Variants in COTL1 observed in about 807,000 individuals in gnomAD.
COTL1 encodes the protein coactosin-like protein.
In COTL1, 15 loss-of-function variants were observed where a neutral mutation model predicts 16.5. The observed-to-expected ratio is 0.91, with a 90% CI of 0.61 to 1.40. The LOEUF (loss-of-function observed/expected upper bound fraction) is 1.40. Ranked by LOEUF, COTL1 falls within the 40% of genes most tolerant of loss-of-function variation. The pLI, the probability that COTL1 is intolerant of heterozygous loss-of-function variation, is 0.00. For missense variants in COTL1, 220 were observed against 201.5 expected (o/e 1.09, Z -0.56); for synonymous variants, 112 against 85.3 (o/e 1.31, Z -1.73).
chr16:84,616,967 G>A (rs981087440), intron 2 of COTL1, among the ~76,000 whole-genome samples: 2 of 152,162 alleles, frequency 1.3e-5, no homozygotes, highest in Non-Finnish European at 2.9e-5. Context: ...GATTAGTTTC[G>A]CCTTGTCTAG....
At chr16:84,587,786 A>AT (rs1555523039) in intron 3 of COTL1, among the ~76,000 whole-genome samples, 1 of 151,728 alleles carries the variant, frequency 6.6e-6, no homozygotes, top group African/African-American at 2.4e-5. Context: ...TTATTTATTT[A>AT]TTTATTTATT....
At chr16:84,585,248 G>C (rs544657090) in intron 3 of COTL1, among the ~76,000 whole-genome samples, 70 of 151,640 alleles carry the variant, frequency 4.6e-4, no homozygotes, top group African/African-American at 1.5e-3. Flanking sequence ...CCAGCTTCTC[G>C]AGAGGCTGAA....
At position 84,590,297 on chromosome 16, in the gene COTL1, C is replaced by T. The variant is rs758848827; in HGVS notation, c.161-35G>A. On this transcript the variant is annotated intron_variant, in intron 2 of 3. Transcript: ENST00000262428. The surrounding 1 kb of genome is among the most constrained non-coding windows in gnomAD (Gnocchi z 5.5). Reference sequence around the variant, plus strand: ...AAAGCGAAAAGAGAACATGGTGCTGCGTTAAAACACCCCCATGTCATGTCC... The same window carrying T: ...AAAGCGAAAAGAGAACATGGTGCTGTGTTAAAACACCCCCATGTCATGTCC... 1.6e-5 allele frequency: 25 copies of T among 1,603,530 alleles called. No individual in the cohort carries two copies. Among genetic ancestry groups the T allele is most frequent in the South Asian group, 5.5e-5 (5 of 90,192 alleles).
intron 2 of COTL1, chr16:84,594,381 C>T (rs1035965777): frequency 1.3e-5 from 2 of 152,340 alleles, no homozygotes; most frequent in African/African-American, 4.8e-5. Flanking sequence ...GGCAGTTCCT[C>T]ACTTGTAAGG....
At chr16:84,584,996 A>G (rs1436387110) in intron 3 of COTL1, among the ~76,000 whole-genome samples, 3 of 152,240 alleles carry the variant, frequency 2.0e-5, no homozygotes. Context: ...AATAAGGTTC[A>G]TTTAAAGGTA....
chr16:84,609,987 G>A (rs558970023), intron 2 of COTL1, among the ~76,000 whole-genome samples: 5 of 152,280 alleles, frequency 3.3e-5, no homozygotes, highest in South Asian at 4.1e-4. Context: ...TTCCTACTGC[G>A]TGGTCCCATT....
intron 2 of COTL1, among the ~76,000 whole-genome samples, chr16:84,600,501 C>A (rs116684384): frequency 0.011 from 1,723 of 152,150 alleles, 31 homozygotes; most frequent in African/African-American, 0.039. Context: ...TTAGTACAGA[C>A]GGGCTTTCAC....
rs377560658 is a variant in COTL1 at position 84,617,812 on chromosome 16, C to G, written c.77+26G>C. ...CCCCGCGCGAGCCCGGGGAGCGGGG[C>G]GTGGAGACGAATGAAAAGTTCCTAC... On this transcript the variant is annotated intron_variant, in intron 1 of 3. Transcript: ENST00000262428. The G allele has an allele frequency of 9.8e-5, 153 of 1,557,516 alleles. No homozygotes were observed. In the African/African-American group the frequency reaches 1.9e-3, roughly 20 times the overall value.
intron 3 of COTL1, among the ~76,000 whole-genome samples, chr16:84,579,877 T>C (rs1904541038): frequency 6.6e-6 from 1 of 152,190 alleles, no homozygotes; most frequent in African/African-American, 2.4e-5. Context: ...CAGTGAGCCT[T>C]CGGCCTTTCA....
At chr16:84,581,632 T>C (rs1454772011) in intron 3 of COTL1, among the ~76,000 whole-genome samples, 1 of 151,968 alleles carries the variant, frequency 6.6e-6, no homozygotes, top group African/African-American at 2.4e-5. Context: ...GCCTCCGGAG[T>C]AGCTGGGATT....
chr16:84,578,300 TAAC>T (rs1208099471), intron 3 of COTL1, among the ~76,000 whole-genome samples: 2 of 152,154 alleles, frequency 1.3e-5, no homozygotes, highest in African/African-American at 4.8e-5. Context: ...TTTTAAAAAA[TAAC>T]AACATACATA....
At chr16:84,578,111 C>T (rs1482841287) in intron 3 of COTL1, among the ~76,000 whole-genome samples, 1 of 152,068 alleles carries the variant, frequency 6.6e-6, no homozygotes, top group Non-Finnish European at 1.5e-5. Context: ...CCAGGCTTAA[C>T]CTCAGAATCT....
At chr16:84,582,316 T>G (rs1229240586) in intron 3 of COTL1, among the ~76,000 whole-genome samples, 1 of 152,094 alleles carries the variant, frequency 6.6e-6, no homozygotes, top group Non-Finnish European at 1.5e-5. Context: ...TTTTAAAAAT[T>G]ATGTTAAAAC....
chr16:84,615,632 C>A (rs1323140536), intron 2 of COTL1, among the ~76,000 whole-genome samples: 3 of 152,172 alleles, frequency 2.0e-5, no homozygotes, highest in African/African-American at 7.2e-5. Context: ...GCTGACTCTC[C>A]TGGCTGTTCA....
intron 3 of COTL1, among the ~76,000 whole-genome samples, chr16:84,586,904 G>T (rs1904745749): frequency 6.6e-6 from 1 of 152,232 alleles, no homozygotes; most frequent in African/African-American, 2.4e-5. Context: ...TTTTACCACA[G>T]TTTTTTAAAT....
chr16:84,582,269 A>C (rs1904615009), intron 3 of COTL1, among the ~76,000 whole-genome samples: 1 of 152,184 alleles, frequency 6.6e-6, no homozygotes, highest in Admixed American at 6.5e-5. Context: ...TGCTGGGATT[A>C]CAGGCATGAG....
At chr16:84,584,102 G>A (rs532480012) in intron 3 of COTL1, among the ~76,000 whole-genome samples, 153 of 152,292 alleles carry the variant, frequency 1.0e-3, no homozygotes, top group South Asian at 2.3e-3. Flanking sequence ...GCAGAGACAC[G>A]AGAACGATAG....
intron 3 of COTL1, among the ~76,000 whole-genome samples, chr16:84,570,121 T>TA (rs1408836173): frequency 6.6e-6 from 1 of 151,778 alleles, no homozygotes; most frequent in Non-Finnish European, 1.5e-5. Context: ...ACTAAAAATA[T>TA]AAAAATCAGC....
chr16:84,587,033 C>T (rs1317377925), intron 3 of COTL1, among the ~76,000 whole-genome samples: 3 of 152,172 alleles, frequency 2.0e-5, no homozygotes, highest in African/African-American at 4.8e-5. Context: ...CCAAGCACGG[C>T]GGGCGGAATT....
Sources: gnomAD v4.1 joint callset for allele counts (sites outside exome capture counted in the v4.1 genomes callset) on GRCh38, gnomAD v4.1.1 for gene constraint, Gnocchi (gnomAD v3.1) non-coding constraint, MANE v1.5 for transcripts, NCBI Gene and HGNC (gene_info 2026-07-23, HGNC 2026-07-21) for gene names.